The following ZNF341 variants were observed in gnomAD, a reference collection of about 807,000 sequenced individuals.
ZNF341 encodes the protein zinc finger protein 341.
In ZNF341, 52 loss-of-function variants were observed where a neutral mutation model predicts 87.7. That is an observed-to-expected ratio of 0.59 (90% confidence interval 0.47 to 0.75). The LOEUF (loss-of-function observed/expected upper bound fraction) is 0.75. Ranked by LOEUF, ZNF341 falls within the 30% of genes least tolerant of loss-of-function variation. The pLI, the probability that ZNF341 is intolerant of heterozygous loss-of-function variation, is 0.00. For synonymous variants in ZNF341, 459 were observed against 472.7 expected (o/e 0.97, Z 0.38); for missense variants, 977 against 1,145.9 (o/e 0.85, Z 2.13).
chr20:33,762,857 A>G (rs1470671047), intron 8 of ZNF341, among the ~76,000 whole-genome samples: 2 of 152,212 alleles, frequency 1.3e-5, no homozygotes, highest in Non-Finnish European at 2.9e-5. Context: ...CCTGCAAAGG[A>G]CATGAACTCA....
At position 33,791,149 on chromosome 20, in the gene ZNF341, C is replaced by A. The variant is rs765747537; in HGVS notation, c.2197C>A (p.Leu733Ile). 2.3e-5 allele frequency: 37 copies of A among 1,613,168 alleles called. No individual in the cohort carries two copies. Among genetic ancestry groups the A allele is most frequent in the Non-Finnish European group, 3.1e-5 (36 of 1,180,024 alleles). The change falls in exon 15 of 15, where the codon CTC (leucine) becomes ATC (isoleucine). Residue 733 changes from leucine (L) to isoleucine (I), a missense_variant. Leu to Ile is a conservative substitution (Grantham distance 5, BLOSUM62 2). This residue lies in a region of ZNF341 where 221 missense variants were observed against 212.7 expected (regional missense o/e 1.04). Transcript: ENST00000375200. ...ATACCTCAAAGATCACCGCTGTCGTCTCGGCCCCCAAAAGGACAAGGACCT... is the reference window on the plus strand; with the variant it reads ...ATACCTCAAAGATCACCGCTGTCGTATCGGCCCCCAAAAGGACAAGGACCT... The part of the protein sequence containing the change: ...HKYLKDHRCR[L>I]GPQKDKDLQT...
At chr20:33,781,204 TCCTAATGTTGGCC>T in intron 10 of ZNF341, 74 bp from the exon 11 acceptor site, 1 of 921,780 alleles carries the variant, frequency 1.1e-6, no homozygotes. Flanking sequence ...GGATGTTGCC[TCCTAATGTTGGCC>T]CTGGGGTGGC....
intron 8 of ZNF341, among the ~76,000 whole-genome samples, chr20:33,764,539 A>ATGTGTG (rs1476424553): frequency 3.4e-5 from 3 of 87,648 alleles, no homozygotes; most frequent in African/African-American, 1.4e-4. Context: ...GTGTGTGTGT[A>ATGTGTG]TGTGTATATA....
chr20:33,767,787 C>T (rs1336948876), intron 9 of ZNF341, among the ~76,000 whole-genome samples: 2 of 152,162 alleles, frequency 1.3e-5, no homozygotes, highest in Non-Finnish European at 2.9e-5. Flanking sequence ...TTATTTCTCT[C>T]ACATTAAAGA....
At chr20:33,745,022 C>T in intron 2 of ZNF341, 81 bp from the exon 3 acceptor site, 1 of 1,328,424 alleles carries the variant, frequency 7.5e-7, no homozygotes, top group Non-Finnish European at 1.1e-6. Flanking sequence ...CTGTGATGCC[C>T]CTTGACATAG....
At chr20:33,751,493 G>C (rs944591273) in intron 4 of ZNF341, among the ~76,000 whole-genome samples, 2 of 152,280 alleles carry the variant, frequency 1.3e-5, no homozygotes, top group East Asian at 3.9e-4. Context: ...CTGCAGCAGT[G>C]AAGTCTAGCA....
chr20:33,789,921 A>G (rs915942854), intron 14 of ZNF341, among the ~76,000 whole-genome samples: 1 of 152,110 alleles, frequency 6.6e-6, no homozygotes, highest in Non-Finnish European at 1.5e-5. Context: ...ATGGCCAGGA[A>G]GCTTCTTTGA....
intron 10 of ZNF341, among the ~76,000 whole-genome samples, chr20:33,772,073 G>C (rs936379104): frequency 7.1e-6 from 1 of 140,800 alleles, no homozygotes; most frequent in Admixed American, 7.4e-5. Context: ...ATTGACCTCT[G>C]ATCATCCTTG....
At chr20:33,765,165 G>T (rs959935759) in intron 8 of ZNF341, among the ~76,000 whole-genome samples, 1 of 151,966 alleles carries the variant, frequency 6.6e-6, no homozygotes, top group African/African-American at 2.4e-5. Flanking sequence ...TGTGGCTCAG[G>T]ACCACTTTAT....
At chr20:33,757,692 A>C (rs1012038148) in intron 6 of ZNF341, among the ~76,000 whole-genome samples, 1 of 152,206 alleles carries the variant, frequency 6.6e-6, no homozygotes, top group East Asian at 1.9e-4. Context: ...GGCAGTAAGA[A>C]GAAGGGAAAG....
intron 8 of ZNF341, among the ~76,000 whole-genome samples, chr20:33,764,561 A>ATATATATATATATTTTTTTTTTTTTTT (rs1266929824): frequency 3.5e-5 from 1 of 28,412 alleles, no homozygotes; most frequent in African/African-American, 1.1e-4. Flanking sequence ...ATATATATAT[A>ATATATATATATATTTTTTTTTTTTTTT]TTTTTTTTTT....
intron 10 of ZNF341, among the ~76,000 whole-genome samples, chr20:33,780,564 C>T (rs6120376): frequency 0.018 from 2,681 of 152,104 alleles, 91 homozygotes; most frequent in African/African-American, 0.06. Flanking sequence ...CACGCTACCA[C>T]GCCTGGCTAA....
intron 7 of ZNF341, 44 bp downstream of exon 7, chr20:33,758,850 C>T (rs746760434): frequency 6.5e-7 from 1 of 1,545,326 alleles, no homozygotes; most frequent in Non-Finnish European, 8.9e-7. Flanking sequence ...GCAGGTGTGG[C>T]TGGGACCATC....
intron 10 of ZNF341, among the ~76,000 whole-genome samples, chr20:33,772,379 G>A (rs148028557): frequency 6.6e-6 from 1 of 152,126 alleles, no homozygotes; most frequent in Non-Finnish European, 1.5e-5. Context: ...TGTACCTGCA[G>A]AGATTTGGTG....
At chr20:33,769,904 C>CA (rs1212671891) in intron 9 of ZNF341, among the ~76,000 whole-genome samples, 180 bp from the exon 10 acceptor site, 5 of 152,018 alleles carry the variant, frequency 3.3e-5, no homozygotes, top group Admixed American at 3.3e-4. Context: ...GAGTGCGACT[C>CA]AGTCTCAAAA....
At chr20:33,769,237 AG>A (rs1263737422) in intron 9 of ZNF341, among the ~76,000 whole-genome samples, 30 of 152,084 alleles carry the variant, frequency 2.0e-4, no homozygotes, top group Non-Finnish European at 1.5e-5. Context: ...GGCTATAGGC[AG>A]GCTCCTTAGA....
chr20:33,742,229 C>T (rs1448282502), intron 2 of ZNF341, among the ~76,000 whole-genome samples: 1 of 152,178 alleles, frequency 6.6e-6, no homozygotes, highest in African/African-American at 2.4e-5. Flanking sequence ...TGGAGTCTTG[C>T]TCTGTCGCCC....
chr20:33,778,860 C>T (rs2019680337), intron 10 of ZNF341, among the ~76,000 whole-genome samples: 1 of 152,094 alleles, frequency 6.6e-6, no homozygotes, highest in Non-Finnish European at 1.5e-5. Flanking sequence ...TCTGATAATA[C>T]CCTTTCTTCC....
chr20:33,791,761 G>C lies in ZNF341; in HGVS notation c.*244G>C, dbSNP rs2020042930. ...ATCCACGGTTTCTGGGCAGAGCCAT[G>C]GTGGCAGGAGAGAGATGGCTGAAGC... is the stretch of plus-strand genomic sequence containing the variant. On this transcript the variant is annotated 3_prime_UTR_variant, in exon 15 of 15. Transcript: ENST00000375200. The C allele has an allele frequency of 2.1e-6, 1 of 469,080 alleles. No individual in the cohort carries two copies. The highest frequency in any genetic ancestry group is 3.8e-6 in the Non-Finnish European group (1 of 266,546). 29.1% of individuals were successfully genotyped at this position (469,080 alleles called of 1,614,324 possible).
Sources: gnomAD v4.1 joint callset for allele counts (sites outside exome capture counted in the v4.1 genomes callset) on GRCh38, gnomAD v4.1.1 for gene constraint, gnomAD v4.1.1 regional missense constraint, MANE v1.5 for transcripts, NCBI Gene and HGNC (gene_info 2026-07-23, HGNC 2026-07-21) for gene names.